ZNF268: variants seen among roughly 807,000 people sequenced by gnomAD.
ZNF268 encodes zinc finger protein 268.
In ZNF268, 20 loss-of-function variants were observed where a neutral mutation model predicts 29.3. The observed-to-expected ratio is 0.68, with a 90% CI of 0.48 to 0.99. The LOEUF (loss-of-function observed/expected upper bound fraction) is 0.99. ZNF268 is among the 50% of genes least tolerant of loss of function. The pLI is 0.00. For synonymous variants in ZNF268, 429 were observed against 376.9 expected (o/e 1.14, Z -1.60); for missense variants, 1,240 against 1,121.6 (o/e 1.11, Z -1.51).
chr12:133,193,202 G>A (rs1956516288), intron 5 of ZNF268, among the ~76,000 whole-genome samples: 2 of 152,068 alleles, frequency 1.3e-5, no homozygotes, highest in Non-Finnish European at 2.9e-5. Context: ...GCATGGTGGT[G>A]TGCACCTGTT....
intron 3 of ZNF268, among the ~76,000 whole-genome samples, chr12:133,188,512 A>G (rs575173277): frequency 5.9e-5 from 9 of 152,230 alleles, no homozygotes; most frequent in Admixed American, 4.6e-4. Context: ...CCCTTTTATC[A>G]TCATTGGTTC....
chr12:133,181,702 G>A lies in ZNF268; in HGVS notation c.-53+16G>A. The A allele has an allele frequency of 5.0e-6, 2 of 396,828 alleles. No homozygotes were observed. The highest frequency in any genetic ancestry group is 4.0e-5 in the East Asian group (1 of 25,084). The allele number at this position is 396,828 out of a possible 1,614,324, so 24.6% of individuals were successfully genotyped here. On this transcript the variant is annotated intron_variant, in intron 1 of 5. Transcript: ENST00000536435. ...GGAGCCGGAGGTGCGGAATTCCTCC[G>A]GTTTCAAGGCGGCGGGACGGGACAG...
chr12:133,201,274 T>G (rs1956746787), intron 5 of ZNF268, among the ~76,000 whole-genome samples: 1 of 152,028 alleles, frequency 6.6e-6, no homozygotes, highest in South Asian at 2.1e-4. Flanking sequence ...GACTGCTAAG[T>G]TTTTCTGACT....
At chr12:133,190,936 C>T (rs908230749) in intron 3 of ZNF268, among the ~76,000 whole-genome samples, 7 of 66,008 alleles carry the variant, frequency 1.1e-4, no homozygotes, top group Non-Finnish European at 2.1e-4. Flanking sequence ...AGTGATCAGT[C>T]GAACTTGTTT....
intron 5 of ZNF268, among the ~76,000 whole-genome samples, chr12:133,197,754 A>G (rs1956646969): frequency 6.6e-6 from 1 of 152,048 alleles, no homozygotes; most frequent in Non-Finnish European, 1.5e-5. Context: ...ATGGTATCTC[A>G]TTGTGGTTTT....
Position 133,203,567 on chromosome 12 carries a change from G to T in ZNF268, c.1881G>T (p.Leu627=). ...CQKAFNTKSN[L]IVHQRTHTGE... is the part of the protein sequence containing the mutation. ...AAGCCTTTAATACAAAGTCAAACCTGATTGTACATCAGAGAACTCATACAG... is the reference window on the plus strand; with the variant it reads ...AAGCCTTTAATACAAAGTCAAACCTTATTGTACATCAGAGAACTCATACAG... Residue 627 remains leucine, a synonymous_variant, in exon 6 of 6, where the codon CTG becomes CTT. Transcript: ENST00000536435. 1 of 1,563,046 alleles carries T rather than the reference G, an allele frequency of 6.4e-7. No individual in the cohort carries two copies.
At chr12:133,198,224 AAGGG>A (rs1166078701) in intron 5 of ZNF268, among the ~76,000 whole-genome samples, 5 of 148,368 alleles carry the variant, frequency 3.4e-5, no homozygotes. Flanking sequence ...AGGTGTAAGG[AAGGG>A]ATCCAGTTTC....
At chr12:133,185,551 T>C (rs1593873276) in intron 2 of ZNF268, among the ~76,000 whole-genome samples, 1 of 115,076 alleles carries the variant, frequency 8.7e-6, no homozygotes, top group Admixed American at 8.4e-5. Context: ...TGACTGGGGG[T>C]AGGGAGTGAG....
At chr12:133,182,834 G>A (rs755537253) in intron 2 of ZNF268, among the ~76,000 whole-genome samples, 71 of 152,160 alleles carry the variant, frequency 4.7e-4, no homozygotes, top group Admixed American at 4.6e-3. Context: ...GGCTAGAGCC[G>A]TAGGCCTAAG....
At chr12:133,194,316 T>G (rs563528104) in intron 5 of ZNF268, among the ~76,000 whole-genome samples, 31 of 152,178 alleles carry the variant, frequency 2.0e-4, no homozygotes, top group Non-Finnish European at 3.5e-4. Flanking sequence ...AGAAGTGATT[T>G]ATTATTACAC....
Position 133,203,673 on chromosome 12 carries a change from A to G in ZNF268, c.1987A>G (p.Thr663Ala). ...SQLIVHKGVH[T>A]GVKPYGCSQC... ...GCTCATTGTACATAAAGGAGTGCAC[A>G]CTGGAGTAAAACCCTATGGATGCAG... The change falls in exon 6 of 6, where the codon ACT (threonine) becomes GCT (alanine). Residue 663 changes from threonine (T) to alanine (A), a missense_variant. Around this residue, in one of 3 missense-constraint regions of ZNF268, gnomAD observed 1,177 missense variants for 1,039.6 expected, o/e 1.13. Transcript: ENST00000536435. The G allele has an allele frequency of 1.3e-6, 2 of 1,549,930 alleles. No homozygotes were observed. Among genetic ancestry groups the G allele is most frequent in the Admixed American group, 1.9e-5 (1 of 51,546 alleles).
Position 133,206,359 on chromosome 12 carries a change from A to C in ZNF268, c.*1829A>C, listed in dbSNP as rs1048582867. 1.3e-5 allele frequency: 2 copies of C among 152,186 alleles called. No individual in the cohort carries two copies. Among genetic ancestry groups the C allele is most frequent in the Non-Finnish European group, 2.9e-5 (2 of 68,038 alleles). The allele number at this position is 152,186 out of a possible 1,614,324, so 9.4% of individuals were successfully genotyped here. On this transcript the variant is annotated 3_prime_UTR_variant, in exon 6 of 6. Transcript: ENST00000536435. ...GAATTCTGGAGTGGTCAAGAGGGGAATGCTTTTGATACCCATGTATAACAT... is the reference window on the plus strand; with the variant it reads ...GAATTCTGGAGTGGTCAAGAGGGGACTGCTTTTGATACCCATGTATAACAT...
chr12:133,185,110 A>G (rs1422265037), intron 2 of ZNF268, among the ~76,000 whole-genome samples: 1 of 150,098 alleles, frequency 6.7e-6, no homozygotes, highest in East Asian at 2.0e-4. Context: ...CTTGAACCCC[A>G]GGAGTAGGAG....
At chr12:133,191,096 C>G (rs1236870081) in intron 3 of ZNF268, among the ~76,000 whole-genome samples, 2 of 152,086 alleles carry the variant, frequency 1.3e-5, no homozygotes, top group Non-Finnish European at 2.9e-5. Flanking sequence ...ATGGGCAGAT[C>G]ACAAAGTCAG....
Position 133,203,036 on chromosome 12 carries a change from A to T in ZNF268, c.1350A>T (p.Gly450=), listed in dbSNP as rs141481798. The T allele has an allele frequency of 6.5e-7, 1 of 1,541,612 alleles. No individual in the cohort carries two copies. Among genetic ancestry groups the T allele is most frequent in the East Asian group, 2.4e-5 (1 of 41,182 alleles). Residue 450 remains glycine, a synonymous_variant, in exon 6 of 6, where the codon GGA becomes GGT. Coordinates refer to ENST00000536435, the MANE Select transcript of ZNF268 (RefSeq NM_003415.3). ...AACCTTATGTTTGTAGTGATTGTGG[A>T]AAAGCCTTTACATTCAAGTCACAGC... ...GEKPYVCSDC[G]KAFTFKSQLI...
chr12:133,202,903 A>G lies in ZNF268; in HGVS notation c.1217A>G (p.His406Arg). Reference sequence around the variant, plus strand: ...GGTTTAAAATCACAGCTCATTATACATGAAAGAATTCATACAGGAGAGAAA... The same window carrying G: ...GGTTTAAAATCACAGCTCATTATACGTGAAAGAATTCATACAGGAGAGAAA... ...AFGLKSQLIIHERIHTGEKPY... is the reference protein window; with the variant it reads ...AFGLKSQLIIRERIHTGEKPY... Residue 406 changes from histidine (H) to arginine (R), a missense_variant, in exon 6 of 6, where the codon CAT (histidine) becomes CGT (arginine). This residue lies in a region of ZNF268 where 1,177 missense variants were observed against 1,039.6 expected (regional missense o/e 1.13). Transcript: ENST00000536435. 1.3e-6 allele frequency: 2 copies of G among 1,549,692 alleles called. No homozygotes were observed. The highest frequency in any genetic ancestry group is 1.2e-5 in the South Asian group (1 of 85,170).
chr12:133,186,086 A>G (rs926514758), intron 2 of ZNF268, among the ~76,000 whole-genome samples: 3 of 152,150 alleles, frequency 2.0e-5, no homozygotes, highest in African/African-American at 7.2e-5. Flanking sequence ...GGTGGTGAAT[A>G]CTGTTTTTCT....
intron 5 of ZNF268, among the ~76,000 whole-genome samples, chr12:133,195,252 C>T (rs1227514711): frequency 6.6e-6 from 1 of 152,218 alleles, no homozygotes; most frequent in Non-Finnish European, 1.5e-5. Context: ...AATGGCTTTT[C>T]TGTAGCTTCA....
Position 133,203,626 on chromosome 12 carries a change from A to G in ZNF268, c.1940A>G (p.Lys647Arg), listed in dbSNP as rs1312387690. 1.3e-6 allele frequency: 2 copies of G among 1,566,396 alleles called. No individual in the cohort carries two copies. The highest frequency in any genetic ancestry group is 1.7e-6 in the Non-Finnish European group (2 of 1,159,666). ...CCCTATAGTTGTAATGAATGTGGAAAAGCCTTTACGTTCAAATCACAGCTC... is the reference window on the plus strand; with the variant it reads ...CCCTATAGTTGTAATGAATGTGGAAGAGCCTTTACGTTCAAATCACAGCTC... ...EKPYSCNECGKAFTFKSQLIV... is the reference protein window; with the variant it reads ...EKPYSCNECGRAFTFKSQLIV... The change falls in exon 6 of 6, where the codon AAA becomes AGA. Residue 647 changes from lysine (K) to arginine (R), a missense_variant. Physicochemically the swap from Lys to Arg is conservative, Grantham distance 26. Coordinates refer to ENST00000536435, the MANE Select transcript of ZNF268 (RefSeq NM_003415.3).
Sources: allele counts gnomAD v4.1 joint callset (sites outside exome capture counted in the v4.1 genomes callset), GRCh38; gene constraint gnomAD v4.1.1; regional missense constraint gnomAD v4.1.1; transcripts MANE v1.5; gene names NCBI Gene and HGNC (gene_info 2026-07-23, HGNC 2026-07-21).